Variants in AKR1C1 observed in about 807,000 individuals in gnomAD.
The protein encoded by AKR1C1 is 20 alpha-hydroxysteroid dehydrogenase.
A neutral mutation model predicts 40.6 loss-of-function variants in AKR1C1; 32 were observed. That is an observed-to-expected ratio of 0.79 (90% CI 0.60 to 1.06). The LOEUF is 1.06. Ranked by LOEUF, AKR1C1 falls within the 50% of genes least tolerant of loss-of-function variation. The pLI is 0.00. For synonymous variants in AKR1C1, 105 were observed against 134.2 expected, an observed-to-expected ratio of 0.78 and a Z score of 1.50; for missense variants, 320 against 363.5, an observed-to-expected ratio of 0.88 and a Z score of 0.97.
At chr10:4,963,821 G>C (rs1271506329) in intron 1 of AKR1C1, 1 of 751,254 alleles carries the variant, frequency 1.3e-6, no homozygotes, top group African/African-American at 1.8e-5. Flanking sequence ...TGGTTTCTCT[G>C]TTTCTTTGTA....
At chr10:4,966,313 CA>C (rs1836333109) in intron 2 of AKR1C1, among the ~76,000 whole-genome samples, 1 of 152,162 alleles carries the variant, frequency 6.6e-6, no homozygotes, top group South Asian at 2.1e-4. Flanking sequence ...TTGAGCTCAG[CA>C]CAGATCAATA....
intron 2 of AKR1C1, among the ~76,000 whole-genome samples, 160 bp downstream of exon 2, chr10:4,966,241 G>C (rs1014802318): frequency 2.0e-5 from 3 of 152,246 alleles, no homozygotes; most frequent in African/African-American, 7.2e-5. Context: ...AAGGCAGGAA[G>C]TGAAGATGGC....
At chr10:4,972,366 A>C in intron 6 of AKR1C1, 56 bp downstream of exon 6, 1 of 1,607,578 alleles carries the variant, frequency 6.2e-7, no homozygotes, top group Non-Finnish European at 8.5e-7. Flanking sequence ...AAAAAATTTA[A>C]TCAGATCATG....
chr10:4,979,401 A>G lies in AKR1C1; in HGVS notation c.*1659A>G, dbSNP rs1230618736. Reference sequence around the variant, plus strand: ...GCATCTCCATGTTAAAGTCTAATGGACATTCACACTTAGCATGTCTCAAAG... The same window carrying G: ...GCATCTCCATGTTAAAGTCTAATGGGCATTCACACTTAGCATGTCTCAAAG... On this transcript the variant is annotated 3_prime_UTR_variant, in exon 9 of 9. Coordinates refer to ENST00000380872, the MANE Select transcript of AKR1C1 (RefSeq NM_001353.6). 6.6e-6 allele frequency: 1 copy of G among 152,212 alleles called. No individual in the cohort carries two copies. Among genetic ancestry groups the G allele is most frequent in the African/African-American group, 2.4e-5 (1 of 41,452 alleles). The allele number at this position is 152,212 out of a possible 1,614,324, so 9.4% of individuals were successfully genotyped here. A position where few individuals can be genotyped will look rare whatever the true frequency, so the allele number is the denominator to read the frequency against.
rs542117467 is a variant in AKR1C1, at chr10:4,974,169, G to T, written c.846+1420G>T. ...CATTAGAAAACCCACAAAACTAAAA[G>T]GAAATATTATGAAATAACTGTGGAA... On this transcript the variant is annotated intron_variant, in intron 7 of 8. Coordinates refer to ENST00000380872, the MANE Select transcript of AKR1C1 (RefSeq NM_001353.6). Among the ~76,000 whole-genome samples, 7 of 150,164 alleles carry T rather than the reference G, an allele frequency of 4.7e-5. No homozygotes were observed. In the South Asian group the frequency reaches 1.5e-3, roughly 32 times the overall value.
At chr10:4,970,945 G>C (rs1354099496) in intron 5 of AKR1C1, among the ~76,000 whole-genome samples, 2 of 151,080 alleles carry the variant, frequency 1.3e-5, no homozygotes, top group Non-Finnish European at 2.9e-5. Context: ...ATGTACCCTC[G>C]AACTTAAAGT....
rs1836564738 is a variant in AKR1C1 at position 4,978,556 on chromosome 10, A to G, written c.*814A>G. 1 of 152,184 alleles carries G rather than the reference A, an allele frequency of 6.6e-6. No homozygotes were observed. The highest frequency in any genetic ancestry group is 2.4e-5 in the African/African-American group (1 of 41,432). The allele number at this position is 152,184 out of a possible 1,614,324, so 9.4% of individuals were successfully genotyped here. A position where few individuals can be genotyped will look rare whatever the true frequency, so the allele number is the denominator to read the frequency against. On this transcript the variant is annotated 3_prime_UTR_variant, in exon 9 of 9. Transcript: ENST00000380872. ...TGGTTTGTGGTGGGGCAGGGCATCA[A>G]AGACATCATTGACTAATCACATTCC...
intron 6 of AKR1C1, 55 bp from the exon 7 acceptor site, chr10:4,972,529 C>G: frequency 6.2e-7 from 1 of 1,610,688 alleles, no homozygotes; most frequent in South Asian, 1.1e-5. Flanking sequence ...AGGGAGCCGC[C>G]TAACAAACTG....
rs2131643330 is a variant in AKR1C1 at position 4,970,012 on chromosome 10, T to C, written c.570+1068T>C. The C allele has an allele frequency of 1.6e-5, 6 of 386,168 alleles. No homozygotes were observed. In the South Asian group the frequency reaches 1.8e-4, roughly 11 times the overall value. The allele number at this position is 386,168 out of a possible 1,614,324, so 23.9% of individuals were successfully genotyped here. A position where few individuals can be genotyped will look rare whatever the true frequency, so the allele number is the denominator to read the frequency against. ...ATTTTCACACTTTCCAAAAATTTGA[T>C]AAAAATAATACTGGAGACCCATGTT... On this transcript the variant is annotated intron_variant, in intron 5 of 8. Coordinates refer to ENST00000380872, the MANE Select transcript of AKR1C1 (RefSeq NM_001353.6).
chr10:4,970,082 A>T (rs561110004), intron 5 of AKR1C1: 24 of 278,546 alleles, frequency 8.6e-5, no homozygotes, highest in Non-Finnish European at 1.3e-4. Flanking sequence ...TGTTATATGG[A>T]GTATATCTGC....
chr10:4,977,625 C>A, intron 8 of AKR1C1, 75 bp from the exon 9 acceptor site: 1 of 1,590,910 alleles, frequency 6.3e-7, no homozygotes. Context: ...CGGCAGCTTC[C>A]TAGAAATCAC....
rs568927018 is a variant in AKR1C1, at chr10:4,968,203, A to G, written c.370-106A>G. On this transcript the variant is annotated intron_variant, in intron 3 of 8. Transcript: ENST00000380872. ...TACATACCACTCTCTGGAGCACTGC[A>G]TCACCTACCTCATGGAGGATTAGTG... 94 of 1,367,302 alleles carry G rather than the reference A, an allele frequency of 6.9e-5. 7 individuals carry two copies. The South Asian group carries it at 1.1e-3, about 16-fold the overall frequency. The allele number at this position is 1,367,302 out of a possible 1,614,324, so 84.7% of individuals were successfully genotyped here.
intron 8 of AKR1C1, among the ~76,000 whole-genome samples, chr10:4,977,280 A>G (rs1836540157): frequency 6.6e-6 from 1 of 152,234 alleles, no homozygotes; most frequent in South Asian, 2.1e-4. Context: ...AATTAAGTAT[A>G]ATTGCTACCA....
Position 4,982,823 on chromosome 10 carries a change from T to C in AKR1C1, c.*5081T>C, listed in dbSNP as rs1554771231. On this transcript the variant is annotated 3_prime_UTR_variant, in exon 9 of 9. Coordinates refer to ENST00000380872, the MANE Select transcript of AKR1C1 (RefSeq NM_001353.6). ...CACCTCAAGGAAGAATAAATAGAAC[T>C]GTTCCCAGGAAGGAGAAAATGCCTG... 1.4e-5 allele frequency: 5 copies of C among 369,832 alleles called. No homozygotes were observed. The highest frequency in any genetic ancestry group is 5.7e-5 in the Admixed American group (2 of 35,036). The allele number at this position is 369,832 out of a possible 1,614,324, so 22.9% of individuals were successfully genotyped here.
At chr10:4,969,018 A>G (rs1836380776) in intron 5 of AKR1C1, 74 bp downstream of exon 5, 1 of 1,608,816 alleles carries the variant, frequency 6.2e-7, no homozygotes, top group African/African-American at 1.3e-5. Flanking sequence ...GTATCCATTC[A>G]TTTAGTCCCA....
chr10:4,982,892 CAGAGGTCTTG>C lies in AKR1C1; in HGVS notation c.*5153_*5162del, dbSNP rs1836641953. 4.6e-6 allele frequency: 2 copies of C among 438,588 alleles called. No individual in the cohort carries two copies. The highest frequency in any genetic ancestry group is 4.6e-6 in the Non-Finnish European group (1 of 218,582). The allele number at this position is 438,588 out of a possible 1,614,324, so 27.2% of individuals were successfully genotyped here. A position where few individuals can be genotyped will look rare whatever the true frequency, so the allele number is the denominator to read the frequency against. On this transcript the variant is annotated 3_prime_UTR_variant, in exon 9 of 9. Transcript: ENST00000380872. ...CACTGCGTACCACACCCTGACCAGT[CAGAGGTCTTG>C]AGTCGGTCCGCATGACAAGTTCACC...
intron 5 of AKR1C1, among the ~76,000 whole-genome samples, chr10:4,970,232 C>G (rs953871431): frequency 1.1e-4 from 17 of 152,210 alleles, no homozygotes; most frequent in Middle Eastern, 3.2e-3. Context: ...CTAAGAACAT[C>G]ATCTATAGTG....
In AKR1C1 at chr10:4,966,963, C is replaced by A. The variant is rs563977504; in HGVS notation, c.289C>A (p.Pro97Thr). Residue 97 changes from proline to threonine, a missense_variant, in exon 3 of 9, where the codon CCA becomes ACA. Pro to Thr is a conservative substitution (Grantham distance 38). Around this residue, in one of 3 missense-constraint regions of AKR1C1, gnomAD observed 214 missense variants for 214.8 expected, o/e 1.00. Transcript: ENST00000380872. ...CNSHRPELVRPALERSLKNLQ... is the reference protein window; with the variant it reads ...CNSHRPELVRTALERSLKNLQ... ...TTCCCATCGACCAGAGTTGGTCCGACCAGCCTTGGAAAGGTCACTGAAAAA... is the reference window on the plus strand; with the variant it reads ...TTCCCATCGACCAGAGTTGGTCCGAACAGCCTTGGAAAGGTCACTGAAAAA... 16 of 1,613,828 alleles carry A rather than the reference C, an allele frequency of 9.9e-6. No individual in the cohort carries two copies. Among genetic ancestry groups the A allele is most frequent in the Non-Finnish European group, 1.4e-5 (16 of 1,179,778 alleles).
chr10:4,973,934 TATA>T (rs1554770183), intron 7 of AKR1C1, among the ~76,000 whole-genome samples: 1 of 151,066 alleles, frequency 6.6e-6, no homozygotes, highest in African/African-American at 2.4e-5. Flanking sequence ...TGATATATAT[TATA>T]AAACCTATGT....
Sources: allele counts gnomAD v4.1 joint callset (sites outside exome capture counted in the v4.1 genomes callset), GRCh38; gene constraint gnomAD v4.1.1; regional missense constraint gnomAD v4.1.1; transcripts MANE v1.5; gene names NCBI Gene and HGNC (gene_info 2026-07-23, HGNC 2026-07-21).